LRP1B: variants seen among roughly 807,000 people sequenced by gnomAD.
LRP1B encodes the protein LDL receptor related protein 1B, also known as low-density lipoprotein receptor-related protein 1B.
LRP1B carries 217 observed loss-of-function variants against 556.6 expected under a neutral mutation model. The ratio of observed to expected loss-of-function variants is 0.39; its 90% CI spans 0.35 to 0.44. The LOEUF (loss-of-function observed/expected upper bound fraction) is 0.44, where lower values mean the gene tolerates loss of function less well. Among genes scored for constraint, LRP1B ranks in the 20% least tolerant of loss-of-function variants. The probability of loss-of-function intolerance (pLI) is 1.00; values close to 1 mark genes in which losing one functional copy is unlikely to be tolerated. For synonymous variants in LRP1B, 2,047 were observed against 1,865.8 expected, an observed-to-expected ratio of 1.10 and a Z score of -2.50; for missense variants, 5,053 against 5,620.8, an observed-to-expected ratio of 0.90 and a Z score of 3.23.
intron 3 of LRP1B, among the ~76,000 whole-genome samples, chr2:141,302,019 A>C (rs1427169346): frequency 6.6e-6 from 1 of 152,144 alleles, no homozygotes; most frequent in Non-Finnish European, 1.5e-5. Context: ...CAAAACAAAA[A>C]ATTATATATA....
At chr2:140,928,040 C>A (rs182124755) in intron 20 of LRP1B, among the ~76,000 whole-genome samples, 1 of 151,832 alleles carries the variant, frequency 6.6e-6, no homozygotes, top group East Asian at 1.9e-4. Flanking sequence ...GTCACTGTGC[C>A]CAGTCAGCAG....
chr2:141,955,294 T>TAATA (rs1289303845), intron 1 of LRP1B, among the ~76,000 whole-genome samples: 5 of 152,134 alleles, frequency 3.3e-5, no homozygotes, highest in African/African-American at 1.2e-4. Flanking sequence ...ACTAAGTTCA[T>TAATA]GTATTGTCAA....
intron 3 of LRP1B, among the ~76,000 whole-genome samples, chr2:141,324,784 G>A (rs1257692418): frequency 6.6e-6 from 1 of 152,030 alleles, no homozygotes; most frequent in African/African-American, 2.4e-5. Context: ...AATAATAAAT[G>A]TGATGCCAAC....
intron 1 of LRP1B, among the ~76,000 whole-genome samples, chr2:141,893,854 C>T (rs554244423): frequency 6.6e-6 from 1 of 152,314 alleles, no homozygotes; most frequent in South Asian, 2.1e-4. Flanking sequence ...GCCAAAATAA[C>T]TTGGCTATCT....
chr2:140,614,383 A>AG (rs1559006551), intron 41 of LRP1B, among the ~76,000 whole-genome samples: 1 of 151,838 alleles, frequency 6.6e-6, no homozygotes, highest in Non-Finnish European at 1.5e-5. Flanking sequence ...TACTGAGTAA[A>AG]TTTTTTTTCT....
At chr2:140,794,863 T>A (rs1690250188) in intron 32 of LRP1B, among the ~76,000 whole-genome samples, 1 of 152,084 alleles carries the variant, frequency 6.6e-6, no homozygotes, top group Admixed American at 6.6e-5. Flanking sequence ...TCCACCCACC[T>A]CGGCCTCCCA....
chr2:140,389,201 C>T (rs1683901070), intron 66 of LRP1B, among the ~76,000 whole-genome samples: 1 of 151,736 alleles, frequency 6.6e-6, no homozygotes, highest in South Asian at 2.1e-4. Context: ...TTGATCCTCC[C>T]AGAAAGGTAA....
chr2:140,440,326 T>A (rs1188116721), intron 66 of LRP1B, among the ~76,000 whole-genome samples: 1 of 152,102 alleles, frequency 6.6e-6, no homozygotes, highest in Non-Finnish European at 1.5e-5. Context: ...CTACTCTACA[T>A]CCTGCTAAGC....
intron 83 of LRP1B, among the ~76,000 whole-genome samples, chr2:140,306,087 T>C (rs1684051756): frequency 7.7e-6 from 1 of 130,526 alleles, no homozygotes; most frequent in Non-Finnish European, 1.8e-5. Flanking sequence ...GCATCGATAT[T>C]CATCAGGTAT....
intron 7 of LRP1B, among the ~76,000 whole-genome samples, chr2:141,146,358 G>T (rs1701785329): frequency 6.6e-6 from 1 of 152,096 alleles, no homozygotes. Flanking sequence ...TGTTTGGAGG[G>T]AAATCTGTTT....
intron 20 of LRP1B, among the ~76,000 whole-genome samples, chr2:140,947,152 C>T (rs574235747): frequency 1.3e-5 from 2 of 152,036 alleles, no homozygotes; most frequent in Admixed American, 1.3e-4. Flanking sequence ...TGCAAAAGTA[C>T]CCCCCGAATC....
chr2:142,128,806 C>T (rs1574715922), intron 1 of LRP1B, among the ~76,000 whole-genome samples: 1 of 152,148 alleles, frequency 6.6e-6, no homozygotes, highest in Non-Finnish European at 1.5e-5. Context: ...ATGTTCCTCT[C>T]CCTCATGAAA....
intron 7 of LRP1B, among the ~76,000 whole-genome samples, chr2:141,118,551 C>T (rs558370123): frequency 7.9e-5 from 12 of 152,060 alleles, no homozygotes; most frequent in African/African-American, 2.9e-4. Context: ...CTACATATCT[C>T]ATTTTCTGAG....
intron 6 of LRP1B, among the ~76,000 whole-genome samples, chr2:141,213,949 G>A (rs1171748847): frequency 6.6e-6 from 1 of 151,688 alleles, no homozygotes; most frequent in Admixed American, 6.6e-5. Context: ...GTCATCTCTA[G>A]GTTACTTATA....
chr2:140,270,607 T>C (rs1682415142), intron 85 of LRP1B, among the ~76,000 whole-genome samples: 2 of 151,946 alleles, frequency 1.3e-5, no homozygotes, highest in South Asian at 4.1e-4. Context: ...GCTAGATATA[T>C]GTGTGAAAAA....
At chr2:141,636,982 T>C (rs1018182382) in intron 2 of LRP1B, among the ~76,000 whole-genome samples, 1 of 152,042 alleles carries the variant, frequency 6.6e-6, no homozygotes, top group Non-Finnish European at 1.5e-5. Flanking sequence ...AGAGACTGAG[T>C]TGGAAAGAAA....
intron 18 of LRP1B, among the ~76,000 whole-genome samples, chr2:140,969,171 C>T (rs1359592807): frequency 2.0e-5 from 3 of 152,164 alleles, no homozygotes; most frequent in Non-Finnish European, 4.4e-5. Context: ...GTCTAAGTCT[C>T]TTTGTAGGTC....
At chr2:141,170,140 A>T (rs776937099) in intron 7 of LRP1B, among the ~76,000 whole-genome samples, 3 of 152,150 alleles carry the variant, frequency 2.0e-5, no homozygotes, top group Non-Finnish European at 4.4e-5. Flanking sequence ...GTCACTTTTT[A>T]ATAGACACCT....
At chr2:140,986,047 A>G (rs944821129) in intron 17 of LRP1B, among the ~76,000 whole-genome samples, 3 of 151,518 alleles carry the variant, frequency 2.0e-5, no homozygotes, top group African/African-American at 7.3e-5. Flanking sequence ...CATAAACACT[A>G]TATAAAATTA....
Sources: allele counts gnomAD v4.1 joint callset (sites outside exome capture counted in the v4.1 genomes callset), GRCh38; gene constraint gnomAD v4.1.1; transcripts MANE v1.5; gene names NCBI Gene and HGNC (gene_info 2026-07-23, HGNC 2026-07-21).